Variants in CMSS1 observed in about 807,000 individuals in gnomAD.
CMSS1 encodes protein CMSS1.
CMSS1 carries 33 observed loss-of-function variants against 43.5 expected under a neutral mutation model. The observed-to-expected ratio is 0.76, with a 90% CI of 0.57 to 1.01. CMSS1 has a LOEUF of 1.01. CMSS1 is among the 50% of genes least tolerant of loss of function. The pLI, the probability that CMSS1 is intolerant of heterozygous loss-of-function variation, is 0.00. For synonymous variants in CMSS1, 115 were observed against 117.2 expected (o/e 0.98, Z 0.12); for missense variants, 313 against 326.4 (o/e 0.96, Z 0.32).
rs867882028 is a variant in CMSS1 at position 99,832,844 on chromosome 3, A to G, written c.64+14801A>G. On this transcript the variant is annotated intron_variant, in intron 1 of 9. Transcript: ENST00000421999. ...CACAGAGCAAGACTCTGTCTCAAAA[A>G]AAAAAAAAAAAAAGTTGTTTTTTTT... is the stretch of plus-strand genomic sequence containing the variant. Among the ~76,000 whole-genome samples the G allele has an allele frequency of 5.5e-3, 818 of 148,992 alleles. 10 individuals carry two copies. Among genetic ancestry groups the G allele is most frequent in the African/African-American group, 0.019 (786 of 40,728 alleles).
chr3:100,111,691 A>G (rs2066493769), intron 1 of CMSS1, among the ~76,000 whole-genome samples: 1 of 152,146 alleles, frequency 6.6e-6, no homozygotes, highest in Admixed American at 6.5e-5. Flanking sequence ...AGGCTATAAT[A>G]CAAATTTTCT....
intron 2 of CMSS1, among the ~76,000 whole-genome samples, chr3:100,155,234 C>T (rs1032026864): frequency 6.6e-6 from 1 of 152,166 alleles, no homozygotes; most frequent in Non-Finnish European, 1.5e-5. Flanking sequence ...TTGGTCAAAA[C>T]AGTTGTCACT....
At chr3:100,025,662 G>A (rs969805997) in intron 1 of CMSS1, 4 of 152,092 alleles carry the variant, frequency 2.6e-5, no homozygotes, top group African/African-American at 9.7e-5. Flanking sequence ...TGTTTGCTGA[G>A]GAGAAACATA....
intron 1 of CMSS1, among the ~76,000 whole-genome samples, chr3:99,844,369 A>G (rs1274271964): frequency 6.6e-6 from 1 of 152,178 alleles, no homozygotes; most frequent in African/African-American, 2.4e-5. Flanking sequence ...GTTTTGGGGC[A>G]TGCATTTTTG....
At chr3:99,823,821 C>CTGTT in intron 1 of CMSS1, among the ~76,000 whole-genome samples, 1 of 152,262 alleles carries the variant, frequency 6.6e-6, no homozygotes, top group African/African-American at 2.4e-5. Flanking sequence ...AGCCTTCATT[C>CTGTT]TGTTCCTCAG....
At chr3:99,847,435 A>G (rs988288881) in intron 1 of CMSS1, among the ~76,000 whole-genome samples, 5 of 151,312 alleles carry the variant, frequency 3.3e-5, no homozygotes, top group African/African-American at 1.2e-4. Flanking sequence ...TACATGTTCT[A>G]TGGGAGGTTT....
At chr3:100,030,503 A>G (rs1053560822) in intron 1 of CMSS1, among the ~76,000 whole-genome samples, 1 of 152,144 alleles carries the variant, frequency 6.6e-6, no homozygotes, top group African/African-American at 2.4e-5. Context: ...TCATTCATGC[A>G]TGTCTCATCT....
At position 99,824,601 on chromosome 3, in the gene CMSS1, C is replaced by G. The variant is rs1179283363; in HGVS notation, c.64+6558C>G. ...CCTTGAAGACCTCAACCTAGGAGAT[C>G]TTTATCAAAAGAACCTTGATCTGCT... On this transcript the variant is annotated intron_variant, in intron 1 of 9. Transcript: ENST00000421999. 2.0e-5 allele frequency among the ~76,000 whole-genome samples: 3 copies of G among 152,234 alleles called. No individual in the cohort carries two copies. In the East Asian group the frequency reaches 5.8e-4, roughly 29 times the overall value.
At chr3:99,883,711 A>G (rs3921767) in intron 1 of CMSS1, among the ~76,000 whole-genome samples, 19,015 of 152,160 alleles carry the variant, frequency 0.12, 1,708 homozygotes, top group African/African-American at 0.25. Context: ...GTATGACTTC[A>G]TTGTTATAAT....
intron 1 of CMSS1, among the ~76,000 whole-genome samples, chr3:99,836,807 T>C (rs1942918196): frequency 2.0e-5 from 3 of 152,212 alleles, no homozygotes; most frequent in Admixed American, 2.0e-4. Flanking sequence ...CCTGCACCTC[T>C]CTTCCAGTAA....
At chr3:99,935,865 GC>G (rs1707649156) in intron 1 of CMSS1, among the ~76,000 whole-genome samples, 1 of 152,218 alleles carries the variant, frequency 6.6e-6, no homozygotes, top group Non-Finnish European at 1.5e-5. Context: ...ATGTGTCCAT[GC>G]AAGAGGACTA....
intron 1 of CMSS1, among the ~76,000 whole-genome samples, chr3:99,826,366 T>C (rs1942535850): frequency 1.3e-5 from 2 of 152,158 alleles, no homozygotes; most frequent in Non-Finnish European, 2.9e-5. Context: ...ATATTTTAGG[T>C]TGTGTGGGTC....
At chr3:100,159,320 G>T (rs1559775844) in intron 2 of CMSS1, among the ~76,000 whole-genome samples, 1 of 152,172 alleles carries the variant, frequency 6.6e-6, no homozygotes, top group Non-Finnish European at 1.5e-5. Flanking sequence ...AACTAAAAGA[G>T]AATCTTGAAA....
chr3:100,019,599 CT>C (rs751578997), intron 1 of CMSS1, among the ~76,000 whole-genome samples: 1 of 151,938 alleles, frequency 6.6e-6, no homozygotes, highest in Non-Finnish European at 1.5e-5. Context: ...GTAGTAGATA[CT>C]TTTTTCCTCT....
rs66489523 is a variant in CMSS1 at position 100,037,451 on chromosome 3, G to GAC, written c.65-109507_65-109506dup. On this transcript the variant is annotated intron_variant, in intron 1 of 9. Coordinates refer to ENST00000421999, the MANE Select transcript of CMSS1 (RefSeq NM_032359.4). Reference sequence around the variant, plus strand: ...ACAAAAGATTAAAACAAAGCAAACAGACACACACACACACACGCACATTGT... The same window carrying GAC: ...ACAAAAGATTAAAACAAAGCAAACAGACACACACACACACACACGCACATTGT... Among the ~76,000 whole-genome samples the GAC allele has an allele frequency of 5.3e-3, 810 of 151,418 alleles. 6 individuals carry two copies. The highest frequency in any genetic ancestry group is 0.018 in the African/African-American group (754 of 41,322).
intron 6 of CMSS1, among the ~76,000 whole-genome samples, chr3:100,170,900 G>A (rs565942583): frequency 6.6e-5 from 10 of 152,196 alleles, no homozygotes; most frequent in Non-Finnish European, 1.3e-4. Flanking sequence ...CCCTACAAGT[G>A]TTTGGCACCT....
At chr3:99,932,137 A>G (rs1707501373) in intron 1 of CMSS1, among the ~76,000 whole-genome samples, 1 of 152,188 alleles carries the variant, frequency 6.6e-6, no homozygotes, top group Admixed American at 6.5e-5. Flanking sequence ...GTACTGTATT[A>G]TAGATGTATT....
intron 1 of CMSS1, among the ~76,000 whole-genome samples, chr3:100,120,938 G>T (rs77480368): frequency 6.6e-6 from 1 of 152,056 alleles, no homozygotes; most frequent in Non-Finnish European, 1.5e-5. Flanking sequence ...GCTGCCCCGT[G>T]CCTTAAGGAC....
intron 1 of CMSS1, chr3:99,924,390 T>C: frequency 6.2e-7 from 1 of 1,614,094 alleles, no homozygotes. Context: ...TCTTTATGTT[T>C]TTCCACAACT....
Sources: allele counts gnomAD v4.1 joint callset (sites outside exome capture counted in the v4.1 genomes callset), GRCh38; gene constraint gnomAD v4.1.1; transcripts MANE v1.5; gene names NCBI Gene and HGNC (gene_info 2026-07-23, HGNC 2026-07-21).